CADM1: variants seen among roughly 807,000 people sequenced by gnomAD.
CADM1 encodes TSLC-1.
A neutral mutation model predicts 53.1 loss-of-function variants in CADM1; 15 were observed. The ratio of observed to expected loss-of-function variants is 0.28; its 90% CI spans 0.19 to 0.44. The LOEUF (loss-of-function observed/expected upper bound fraction) is 0.44, where lower values mean the gene tolerates loss of function less well. CADM1 is among the 20% of genes least tolerant of loss of function. CADM1 has a pLI of 1.00. For synonymous variants in CADM1, 281 were observed against 243.0 expected (o/e 1.16, Z -1.45); for missense variants, 434 against 611.3 (o/e 0.71, Z 3.06).
At chr11:115,486,622 G>C (rs1221854873) in intron 1 of CADM1, among the ~76,000 whole-genome samples, 1 of 152,176 alleles carries the variant, frequency 6.6e-6, no homozygotes, top group Admixed American at 6.5e-5. Flanking sequence ...TGGGATTATA[G>C]GCATGAGCCA....
chr11:115,399,782 T>C (rs1295743814), intron 1 of CADM1, among the ~76,000 whole-genome samples: 4 of 146,130 alleles, frequency 2.7e-5, no homozygotes, highest in Non-Finnish European at 6.0e-5. Flanking sequence ...ATCTTTAAAA[T>C]TCATGTATCT....
At chr11:115,213,349 C>T (rs1941042938) in intron 7 of CADM1, among the ~76,000 whole-genome samples, 1 of 152,200 alleles carries the variant, frequency 6.6e-6, no homozygotes, top group African/African-American at 2.4e-5. Context: ...TCCTTAACTA[C>T]TGGGAGAATT....
intron 1 of CADM1, among the ~76,000 whole-genome samples, chr11:115,384,293 G>A (rs1354452447): frequency 2.6e-5 from 4 of 151,946 alleles, no homozygotes; most frequent in South Asian, 2.1e-4. Flanking sequence ...CACTATAGCC[G>A]ACTCATTAAA....
chr11:115,402,464 A>G (rs2135218824), intron 1 of CADM1, among the ~76,000 whole-genome samples: 1 of 152,328 alleles, frequency 6.6e-6, no homozygotes, highest in East Asian at 1.9e-4. Flanking sequence ...CGGAGGTTGC[A>G]GTGAGCCAAG....
At chr11:115,179,720 GTCT>G (rs1243527939) in intron 10 of CADM1, among the ~76,000 whole-genome samples, 6 of 151,888 alleles carry the variant, frequency 4.0e-5, no homozygotes, top group Admixed American at 3.3e-4. Flanking sequence ...CTAAACCATT[GTCT>G]TTTTTTTTTA....
At chr11:115,411,525 T>A (rs552135713) in intron 1 of CADM1, among the ~76,000 whole-genome samples, 2 of 152,150 alleles carry the variant, frequency 1.3e-5, no homozygotes, top group Non-Finnish European at 2.9e-5. Flanking sequence ...ATCTGCCACA[T>A]GAAATCTAAA....
intron 1 of CADM1, among the ~76,000 whole-genome samples, chr11:115,350,889 C>T (rs969847177): frequency 6.2e-5 from 9 of 144,894 alleles, no homozygotes; most frequent in Non-Finnish European, 9.0e-5. Flanking sequence ...TAGCTTAAGG[C>T]AATTATTTCA....
chr11:115,444,531 G>A (rs1948404805), intron 1 of CADM1, among the ~76,000 whole-genome samples: 1 of 152,136 alleles, frequency 6.6e-6, no homozygotes, highest in Non-Finnish European at 1.5e-5. Flanking sequence ...TCCGAACAGT[G>A]AAAATAATGT....
At chr11:115,227,127 G>T (rs999175194) in intron 5 of CADM1, among the ~76,000 whole-genome samples, 1 of 152,156 alleles carries the variant, frequency 6.6e-6, no homozygotes, top group Non-Finnish European at 1.5e-5. Context: ...CCACAAAAAG[G>T]TGCCATATTA....
At chr11:115,501,641 T>C (rs375516103) in intron 1 of CADM1, among the ~76,000 whole-genome samples, 6 of 152,204 alleles carry the variant, frequency 3.9e-5, no homozygotes, top group South Asian at 4.1e-4. Flanking sequence ...GGGGGATGGA[T>C]GGCTTCAGTT....
At chr11:115,258,070 C>T (rs1235785549) in intron 1 of CADM1, among the ~76,000 whole-genome samples, 1 of 152,194 alleles carries the variant, frequency 6.6e-6, no homozygotes, top group African/African-American at 2.4e-5. Context: ...TACAGCAGGG[C>T]TCTTCCACAG....
chr11:115,490,100 C>T (rs1182410811), intron 1 of CADM1, among the ~76,000 whole-genome samples: 1 of 152,176 alleles, frequency 6.6e-6, no homozygotes, highest in Non-Finnish European at 1.5e-5. Flanking sequence ...AAGAAAGTGA[C>T]ATCTAAGGTG....
chr11:115,185,972 G>A (rs1445268577), intron 10 of CADM1, among the ~76,000 whole-genome samples: 1 of 152,170 alleles, frequency 6.6e-6, no homozygotes, highest in Admixed American at 6.5e-5. Context: ...CACACTCACC[G>A]TGGCCTGCCA....
At chr11:115,244,577 C>A (rs1019159726) in intron 1 of CADM1, among the ~76,000 whole-genome samples, 5 of 152,068 alleles carry the variant, frequency 3.3e-5, no homozygotes, top group African/African-American at 1.2e-4. Context: ...TGAGACAGAG[C>A]GATTTAAATA....
intron 11 of CADM1, 115 bp downstream of exon 11, chr11:115,178,529 C>A: frequency 4.9e-5 from 31 of 630,696 alleles, no homozygotes; most frequent in East Asian, 7.1e-5. Flanking sequence ...TTTCAGGAAT[C>A]AGATAGGCCG....
At chr11:115,258,562 A>C (rs1451988596) in intron 1 of CADM1, among the ~76,000 whole-genome samples, 1 of 152,222 alleles carries the variant, frequency 6.6e-6, no homozygotes, top group Non-Finnish European at 1.5e-5. Context: ...CAACTGTCTA[A>C]GATTTGGGCC....
chr11:115,197,885 G>A (rs925398718), intron 9 of CADM1, among the ~76,000 whole-genome samples: 1 of 152,160 alleles, frequency 6.6e-6, no homozygotes, highest in African/African-American at 2.4e-5. Flanking sequence ...TTAAAGTCAT[G>A]ACCTTTCTAA....
intron 1 of CADM1, among the ~76,000 whole-genome samples, chr11:115,448,101 C>T (rs981698843): frequency 6.6e-6 from 1 of 152,126 alleles, no homozygotes; most frequent in African/African-American, 2.4e-5. Flanking sequence ...CAGATTAATA[C>T]AGTTTTCTAG....
At chr11:115,456,361 A>C (rs549702787) in intron 1 of CADM1, among the ~76,000 whole-genome samples, 3 of 152,262 alleles carry the variant, frequency 2.0e-5, no homozygotes, top group African/African-American at 7.2e-5. Context: ...TTTAGATTCT[A>C]CATACTTGAT....
Sources: allele counts gnomAD v4.1 joint callset (sites outside exome capture counted in the v4.1 genomes callset), GRCh38; gene constraint gnomAD v4.1.1; transcripts MANE v1.5; gene names NCBI Gene and HGNC (gene_info 2026-07-23, HGNC 2026-07-21).